SLC39A14: variants seen among roughly 807,000 people sequenced by gnomAD.
The protein encoded by SLC39A14 is solute carrier family 39 member 14, also known as metal cation symporter ZIP14.
Under a neutral mutation model 45.5 loss-of-function variants are expected in SLC39A14, and 19 were observed. That is an observed-to-expected ratio of 0.42 (90% CI 0.29 to 0.61). The LOEUF (loss-of-function observed/expected upper bound fraction) is 0.61, where lower values mean the gene tolerates loss of function less well. SLC39A14 is among the 20% of genes least tolerant of loss of function. The pLI is 0.22. For synonymous variants in SLC39A14, 264 were observed against 251.3 expected, an observed-to-expected ratio of 1.05 and a Z score of -0.48; for missense variants, 447 against 616.5, an observed-to-expected ratio of 0.73 and a Z score of 2.91.
chr8:22,387,120 C>T (rs1222677783), intron 1 of SLC39A14, among the ~76,000 whole-genome samples: 2 of 150,550 alleles, frequency 1.3e-5, no homozygotes, highest in East Asian at 3.9e-4. Flanking sequence ...CTGCAGTGAG[C>T]TGTGATCATG....
At chr8:22,412,288 A>G in intron 4 of SLC39A14, 82 bp downstream of exon 4, 2 of 1,413,524 alleles carry the variant, frequency 1.4e-6, no homozygotes, top group East Asian at 2.5e-5. Context: ...AGGCATAGAG[A>G]GGGCACCTGG....
At chr8:22,403,137 C>T (rs1447069473) in intron 1 of SLC39A14, among the ~76,000 whole-genome samples, 7 of 151,878 alleles carry the variant, frequency 4.6e-5, no homozygotes, top group Non-Finnish European at 8.8e-5. Context: ...CCACCACACC[C>T]GGCTAATTTT....
rs1836241862 is a variant in SLC39A14 at position 22,421,760 on chromosome 8, T to C, written c.*2062T>C. 6.1e-6 allele frequency: 6 copies of C among 983,684 alleles called. No individual in the cohort carries two copies. The highest frequency in any genetic ancestry group is 7.2e-6 in the Non-Finnish European group (6 of 828,338). 60.9% of individuals were successfully genotyped at this position (983,684 alleles called of 1,614,324 possible). On this transcript the variant is annotated 3_prime_UTR_variant, in exon 9 of 9. Coordinates refer to ENST00000381237, the MANE Select transcript of SLC39A14 (RefSeq NM_001128431.4). ...CTATCATTCCTTAAACATAATACCC[T>C]TTGTCTTGGAGTAGAATACTAAGTT... is the stretch of plus-strand genomic sequence containing the variant.
intron 1 of SLC39A14, among the ~76,000 whole-genome samples, chr8:22,371,413 T>C (rs1832923210): frequency 2.2e-5 from 1 of 45,846 alleles, no homozygotes. Context: ...AAAATACATG[T>C]CTTTTTTTTT....
rs112842658 is a variant in SLC39A14, at chr8:22,416,310, C to T, written c.1147+30C>T. On this transcript the variant is annotated intron_variant, in intron 7 of 8. Transcript: ENST00000381237. Reference sequence around the variant, plus strand: ...GCGTGCGTCCCCCGTTCCACTGGTGCTCCCTTGGGTGGTGGTGTAGGCCCC... The same window carrying T: ...GCGTGCGTCCCCCGTTCCACTGGTGTTCCCTTGGGTGGTGGTGTAGGCCCC... 398 of 1,597,664 alleles carry T rather than the reference C, an allele frequency of 2.5e-4. 2 individuals carry two copies. Among genetic ancestry groups the T allele is most frequent in the African/African-American group, 2.0e-3 (146 of 74,698 alleles).
At chr8:22,376,140 C>A (rs1020176445) in intron 1 of SLC39A14, among the ~76,000 whole-genome samples, 2 of 152,040 alleles carry the variant, frequency 1.3e-5, no homozygotes, top group African/African-American at 4.8e-5. Flanking sequence ...GATGTTGCAT[C>A]CTTTAGAGGT....
At chr8:22,375,682 G>T (rs1833178470) in intron 1 of SLC39A14, among the ~76,000 whole-genome samples, 2 of 151,982 alleles carry the variant, frequency 1.3e-5, no homozygotes. Context: ...TAGAGGTGGG[G>T]TTTCGCCATG....
chr8:22,430,991 CTT>C (rs869060206), intron 8 of SLC39A14, among the ~76,000 whole-genome samples: 60 of 60,474 alleles, frequency 9.9e-4, no homozygotes, highest in Admixed American at 1.7e-3. Flanking sequence ...CCAATTCCCT[CTT>C]TTTTTTTTTT....
At chr8:22,396,407 GA>G (rs1563532730) in intron 1 of SLC39A14, among the ~76,000 whole-genome samples, 1 of 5,890 alleles carries the variant, frequency 1.7e-4, no homozygotes, top group African/African-American at 2.6e-3. Flanking sequence ...GAGAGAGAGA[GA>G]GAGAGGGGGG....
chr8:22,417,145 T>C (rs1357051729), intron 7 of SLC39A14, among the ~76,000 whole-genome samples: 2 of 152,378 alleles, frequency 1.3e-5, no homozygotes, highest in Non-Finnish European at 2.9e-5. Flanking sequence ...GACTTGTGAC[T>C]TCGGGCAAAT....
At chr8:22,401,863 T>C (rs1834891311) in intron 1 of SLC39A14, among the ~76,000 whole-genome samples, 1 of 152,078 alleles carries the variant, frequency 6.6e-6, no homozygotes, top group African/African-American at 2.4e-5. Flanking sequence ...TTCTCAGTTC[T>C]AAACTCTGCC....
rs1469961698 is a variant in SLC39A14, at chr8:22,412,163, T to C, written c.584T>C (p.Ile195Thr). 1 of 1,551,620 alleles carries C rather than the reference T, an allele frequency of 6.4e-7. No individual in the cohort carries two copies. The highest frequency in any genetic ancestry group is 8.7e-7 in the Non-Finnish European group (1 of 1,147,004). The stretch of plus-strand genomic sequence containing the variant: ...CTGCTCTACTTCATAGCTCTGGCGA[T>C]TGGAACCCTCTACTCCAACGCCCTC... ...RLLLYFIALA[I>T]GTLYSNALFQ... is the part of the protein sequence containing the mutation. Residue 195 changes from isoleucine (I) to threonine (T), a missense_variant, in exon 4 of 9, where the codon ATT becomes ACT. By Grantham distance (89) the Ile-to-Thr change is moderately conservative. Around this residue, in one of 2 missense-constraint regions of SLC39A14, gnomAD observed 342 missense variants for 428.1 expected, o/e 0.80. Coordinates refer to ENST00000381237, the MANE Select transcript of SLC39A14 (RefSeq NM_001128431.4).
intron 5 of SLC39A14, 58 bp from the exon 6 acceptor site, chr8:22,415,711 C>A: frequency 3.3e-6 from 5 of 1,528,870 alleles, no homozygotes; most frequent in Admixed American, 4.1e-5. Context: ...AGCAGGTGCT[C>A]AATCAGGTTT....
chr8:22,413,681 C>T (rs572965521), intron 4 of SLC39A14, among the ~76,000 whole-genome samples: 1 of 152,256 alleles, frequency 6.6e-6, no homozygotes, highest in East Asian at 1.9e-4. Flanking sequence ...GGCCCGTTTC[C>T]CATCAGAAAA....
chr8:22,408,268 C>T (rs567262593), intron 2 of SLC39A14, 42 bp from the exon 3 acceptor site: 8 of 1,584,418 alleles, frequency 5.0e-6, no homozygotes, highest in East Asian at 4.5e-5. Context: ...CAAGGCCTGA[C>T]CTTTGGGGTC....
In SLC39A14 at chr8:22,420,905, A is replaced by G. The variant is rs375527002; in HGVS notation, c.*1207A>G. 6.2e-5 allele frequency: 61 copies of G among 985,746 alleles called. No homozygotes were observed. The African/African-American group carries it at 9.9e-4, about 16-fold the overall frequency. The allele number at this position is 985,746 out of a possible 1,614,324, so 61.1% of individuals were successfully genotyped here. ...CTAGGTTACTGCTTCCTTGCAAAAAAAGTCGAATCCTGCATTGAATTGAAT... is the reference window on the plus strand; with the variant it reads ...CTAGGTTACTGCTTCCTTGCAAAAAGAGTCGAATCCTGCATTGAATTGAAT... On this transcript the variant is annotated 3_prime_UTR_variant, in exon 9 of 9. Transcript: ENST00000381237.
intron 1 of SLC39A14, among the ~76,000 whole-genome samples, chr8:22,399,650 C>T (rs1165250967): frequency 2.0e-5 from 3 of 152,246 alleles, no homozygotes; most frequent in African/African-American, 4.8e-5. Context: ...CTGGGAGAAG[C>T]GAAGGTGGTC....
rs1832725136 is a variant in SLC39A14 at position 22,367,926 on chromosome 8, T to C, written c.-16+518T>C. 6.6e-6 allele frequency among the ~76,000 whole-genome samples: 1 copy of C among 152,122 alleles called. No individual in the cohort carries two copies. The highest frequency in any genetic ancestry group is 1.5e-5 in the Non-Finnish European group (1 of 67,998). On this transcript the variant is annotated intron_variant, in intron 1 of 8. Coordinates refer to ENST00000381237, the MANE Select transcript of SLC39A14 (RefSeq NM_001128431.4). The surrounding 1 kb of genome is among the most constrained non-coding windows in gnomAD (Gnocchi z 4.2). ...GCCCACGAGGATGGCTTTCTGGCTA[T>C]TTTTGGTCCTTAATGACCAAGTTAG...
chr8:22,375,712 A>G (rs570929239), intron 1 of SLC39A14, among the ~76,000 whole-genome samples: 11 of 151,650 alleles, frequency 7.3e-5, no homozygotes, highest in African/African-American at 2.7e-4. Flanking sequence ...CTGATCTCAA[A>G]CTCGACCTCA....
Sources: gnomAD v4.1 joint callset for allele counts (sites outside exome capture counted in the v4.1 genomes callset) on GRCh38, gnomAD v4.1.1 for gene constraint, gnomAD v4.1.1 regional missense constraint, Gnocchi (gnomAD v3.1) non-coding constraint, MANE v1.5 for transcripts, NCBI Gene and HGNC (gene_info 2026-07-23, HGNC 2026-07-21) for gene names.